ATP6V0A4: variants seen among roughly 807,000 people sequenced by gnomAD.
The protein encoded by ATP6V0A4 is ATPase H+ transporting V0 subunit a4.
In ATP6V0A4, 86 loss-of-function variants were observed where a neutral mutation model predicts 107.3. The ratio of observed to expected loss-of-function variants is 0.80; its 90% CI spans 0.67 to 0.96. ATP6V0A4 has a LOEUF of 0.96. Ranked by LOEUF, ATP6V0A4 falls within the 40% of genes least tolerant of loss-of-function variation. The probability of loss-of-function intolerance (pLI) is 0.00; values close to 1 mark genes in which losing one functional copy is unlikely to be tolerated. For synonymous variants in ATP6V0A4, 353 were observed against 381.4 expected, an observed-to-expected ratio of 0.93 and a Z score of 0.87; for missense variants, 908 against 1,045.6, an observed-to-expected ratio of 0.87 and a Z score of 1.81.
intron 15 of ATP6V0A4, among the ~76,000 whole-genome samples, chr7:138,738,122 T>C (rs1432687505): frequency 6.6e-6 from 1 of 152,202 alleles, no homozygotes; most frequent in Non-Finnish European, 1.5e-5. Context: ...ATCATATATA[T>C]GTATTATTTT....
chr7:138,771,493 C>G (rs1190622374), intron 2 of ATP6V0A4, among the ~76,000 whole-genome samples: 1 of 151,720 alleles, frequency 6.6e-6, no homozygotes, highest in African/African-American at 2.4e-5. Flanking sequence ...CCTCAACCTC[C>G]CAGGCTCAAG....
chr7:138,763,186 G>GACACAC (rs3832464), intron 5 of ATP6V0A4, 161 bp from the exon 6 acceptor site: 17 of 262,878 alleles, frequency 6.5e-5, no homozygotes, highest in African/African-American at 2.9e-4. Context: ...GACACACACA[G>GACACAC]ACACACACAC....
intron 11 of ATP6V0A4, among the ~76,000 whole-genome samples, chr7:138,750,284 AG>A: frequency 6.6e-6 from 1 of 151,902 alleles, no homozygotes; most frequent in East Asian, 1.9e-4. Context: ...TTCCTGAGAC[AG>A]GAAGTCCCAG....
At chr7:138,735,776 C>A (rs559074979) in intron 15 of ATP6V0A4, among the ~76,000 whole-genome samples, 6 of 148,754 alleles carry the variant, frequency 4.0e-5, no homozygotes, top group Non-Finnish European at 5.9e-5. Context: ...GGCGGGTCTG[C>A]TAGTACACTT....
chr7:138,709,566 C>A, intron 21 of ATP6V0A4, 58 bp downstream of exon 21: 1 of 1,557,928 alleles, frequency 6.4e-7, no homozygotes, highest in Admixed American at 1.7e-5. Flanking sequence ...CGGCTGGCCC[C>A]ACAGCCCACT....
intron 16 of ATP6V0A4, among the ~76,000 whole-genome samples, chr7:138,733,423 T>G (rs1805132641): frequency 6.6e-6 from 1 of 152,104 alleles, no homozygotes; most frequent in South Asian, 2.1e-4. Flanking sequence ...AGCTCAGAGT[T>G]GCACATTTAA....
chr7:138,787,212 T>G (rs995541877), intron 1 of ATP6V0A4, among the ~76,000 whole-genome samples: 2 of 152,184 alleles, frequency 1.3e-5, no homozygotes, highest in Non-Finnish European at 1.5e-5. Flanking sequence ...AACACCCCTT[T>G]GTGTTAGGAA....
chr7:138,751,083 C>G (rs983685403), intron 11 of ATP6V0A4, among the ~76,000 whole-genome samples: 2 of 152,268 alleles, frequency 1.3e-5, no homozygotes, highest in South Asian at 2.1e-4. Context: ...CGAGATCTGC[C>G]GTCACCAGAT....
At chr7:138,749,354 G>A (rs752120967) in intron 11 of ATP6V0A4, 37 bp from the exon 12 acceptor site, 10 of 1,604,074 alleles carry the variant, frequency 6.2e-6, no homozygotes, top group Non-Finnish European at 1.7e-6. Context: ...GATGTAAGGA[G>A]AAGAGTCTTG....
At chr7:138,764,594 A>G (rs980363021) in intron 5 of ATP6V0A4, among the ~76,000 whole-genome samples, 2 of 152,178 alleles carry the variant, frequency 1.3e-5, no homozygotes, top group African/African-American at 4.8e-5. Flanking sequence ...TTGCACACCA[A>G]TCAGTAGTGG....
At chr7:138,748,432 G>A (rs1298761560) in intron 12 of ATP6V0A4, among the ~76,000 whole-genome samples, 2 of 151,970 alleles carry the variant, frequency 1.3e-5, no homozygotes, top group African/African-American at 4.8e-5. Flanking sequence ...TTTGAGACAG[G>A]ATCTCGCTCT....
At chr7:138,708,454 C>T (rs1803564777) in intron 21 of ATP6V0A4, among the ~76,000 whole-genome samples, 1 of 152,132 alleles carries the variant, frequency 6.6e-6, no homozygotes, top group Non-Finnish European at 1.5e-5. Context: ...TCACTCAGTA[C>T]ATGAAGTGCA....
At position 138,768,779 on chromosome 7, in the gene ATP6V0A4, C is replaced by A. The variant is rs775764426; in HGVS notation, c.291+1G>T. 2 of 1,614,138 alleles carry A rather than the reference C, an allele frequency of 1.2e-6. No homozygotes were observed. The highest frequency in any genetic ancestry group is 1.7e-6 in the Non-Finnish European group (2 of 1,180,010). On this transcript the variant is annotated splice_donor_variant, in intron 5 of 21. Coordinates refer to ENST00000310018, the MANE Select transcript of ATP6V0A4 (RefSeq NM_020632.3). LOFTEE classifies it high-confidence loss of function. Reference sequence around the variant, plus strand: ...GGAGGCCAGCAAAGTGGAGAACTTACCTCCAGGGTAATCATTTCCCGTGGG... The same window carrying A: ...GGAGGCCAGCAAAGTGGAGAACTTAACTCCAGGGTAATCATTTCCCGTGGG...
intron 20 of ATP6V0A4, 134 bp downstream of exon 20, chr7:138,715,630 G>A: frequency 7.7e-7 from 1 of 1,303,696 alleles, no homozygotes; most frequent in Non-Finnish European, 1.1e-6. Context: ...CCTGTGCCTG[G>A]GAAAGAAGAG....
At chr7:138,748,441 C>G (rs1806065674) in intron 12 of ATP6V0A4, among the ~76,000 whole-genome samples, 2 of 152,154 alleles carry the variant, frequency 1.3e-5, no homozygotes, top group African/African-American at 4.8e-5. Flanking sequence ...GGATCTCGCT[C>G]TGTCACCAAG....
chr7:138,729,976 T>C (rs1584904726), intron 17 of ATP6V0A4, among the ~76,000 whole-genome samples: 1 of 152,130 alleles, frequency 6.6e-6, no homozygotes, highest in African/African-American at 2.4e-5. Flanking sequence ...CTCTGCCTCC[T>C]GGGTTCAAGC....
chr7:138,712,050 A>G (rs975351083), intron 20 of ATP6V0A4, among the ~76,000 whole-genome samples: 1 of 151,758 alleles, frequency 6.6e-6, no homozygotes, highest in Non-Finnish European at 1.5e-5. Context: ...CTCCTGCCTC[A>G]CCCTCCCGAG....
rs539263238 is a variant in ATP6V0A4 at position 138,713,183 on chromosome 7, T to C, written c.2257+2581A>G. 6.7e-5 allele frequency among the ~76,000 whole-genome samples: 10 copies of C among 149,960 alleles called. No homozygotes were observed. In the South Asian group the frequency reaches 2.1e-3, roughly 32 times the overall value. Reference sequence around the variant, plus strand: ...AGCTGGGCATGGTGGTGTGCACCTGTAGTCCCAGCTACTCAGGAGGCTGAG... The same window carrying C: ...AGCTGGGCATGGTGGTGTGCACCTGCAGTCCCAGCTACTCAGGAGGCTGAG... On this transcript the variant is annotated intron_variant, in intron 20 of 21. Transcript: ENST00000310018.
chr7:138,772,719 G>T (rs1807457062), intron 2 of ATP6V0A4, among the ~76,000 whole-genome samples: 1 of 152,192 alleles, frequency 6.6e-6, no homozygotes, highest in South Asian at 2.1e-4. Context: ...AGCATACGTA[G>T]CCAGGGAACG....
Sources: gnomAD v4.1 joint callset for allele counts (sites outside exome capture counted in the v4.1 genomes callset) on GRCh38, gnomAD v4.1.1 for gene constraint, MANE v1.5 for transcripts, NCBI Gene and HGNC (gene_info 2026-07-23, HGNC 2026-07-21) for gene names.